The following TANC2 variants were observed in gnomAD, a reference collection of about 807,000 sequenced individuals.
TANC2 encodes the protein tetratricopeptide repeat, ankyrin repeat and coiled-coil containing 2, also known as protein TANC2.
In TANC2, 26 loss-of-function variants were observed where a neutral mutation model predicts 210.5. That is an observed-to-expected ratio of 0.12 (90% CI 0.09 to 0.17). TANC2 has a LOEUF of 0.17. Among genes scored for constraint, TANC2 ranks in the 10% least tolerant of loss-of-function variants. TANC2 has a pLI of 1.00. For synonymous variants in TANC2, 931 were observed against 967.1 expected, an observed-to-expected ratio of 0.96 and a Z score of 0.69; for missense variants, 2,129 against 2,608.9, an observed-to-expected ratio of 0.82 and a Z score of 4.01.
intron 19 of TANC2, 48 bp from the exon 20 acceptor site, chr17:63,405,074 G>A (rs781485013): frequency 1.8e-5 from 28 of 1,534,126 alleles, no homozygotes; most frequent in South Asian, 1.2e-5. Flanking sequence ...ATGGAGCGCT[G>A]GAGAGGACCA....
At chr17:63,348,700 G>A (rs190263287) in intron 12 of TANC2, among the ~76,000 whole-genome samples, 117 of 152,192 alleles carry the variant, frequency 7.7e-4, no homozygotes, top group African/African-American at 2.6e-3. Flanking sequence ...AAAATACGAA[G>A]CAGCAATCCT....
intron 1 of TANC2, among the ~76,000 whole-genome samples, chr17:63,008,343 G>T (rs1473157488): frequency 3.3e-5 from 5 of 152,028 alleles, no homozygotes; most frequent in African/African-American, 1.2e-4. Context: ...GGTTCCATAT[G>T]CATCTAGTAC....
chr17:63,034,261 A>G (rs1188222699), intron 2 of TANC2, among the ~76,000 whole-genome samples: 1 of 152,174 alleles, frequency 6.6e-6, no homozygotes, highest in South Asian at 2.1e-4. Flanking sequence ...CCAGAATTCT[A>G]GGGTCCTAAA....
intron 4 of TANC2, among the ~76,000 whole-genome samples, chr17:63,139,842 T>G (rs1487334068): frequency 6.6e-6 from 1 of 152,180 alleles, no homozygotes; most frequent in African/African-American, 2.4e-5. Context: ...AGGTCAAGGC[T>G]GCAGCGAGCT....
chr17:63,032,952 C>G (rs2034831749), intron 2 of TANC2, among the ~76,000 whole-genome samples: 1 of 152,168 alleles, frequency 6.6e-6, no homozygotes, highest in South Asian at 2.1e-4. Flanking sequence ...GTGCCCATGG[C>G]TCCCTCCTTG....
intron 15 of TANC2, among the ~76,000 whole-genome samples, chr17:63,383,106 CAG>C (rs556174549): frequency 6.6e-6 from 1 of 152,152 alleles, no homozygotes; most frequent in Non-Finnish European, 1.5e-5. Context: ...ACAGAAAGTA[CAG>C]AGTTCCCACA....
intron 7 of TANC2, among the ~76,000 whole-genome samples, chr17:63,202,972 T>C (rs948195494): frequency 3.9e-5 from 6 of 152,170 alleles, no homozygotes; most frequent in African/African-American, 1.4e-4. Context: ...ATGATGTAAA[T>C]ATTCTTCACA....
intron 9 of TANC2, among the ~76,000 whole-genome samples, chr17:63,299,534 CTTT>C (rs201041332): frequency 2.1e-4 from 27 of 126,534 alleles, no homozygotes; most frequent in African/African-American, 5.6e-4. Flanking sequence ...TGATGTTAAG[CTTT>C]TTTTTTTTTT....
intron 7 of TANC2, among the ~76,000 whole-genome samples, chr17:63,203,164 A>G (rs2041590644): frequency 6.6e-6 from 1 of 152,168 alleles, no homozygotes; most frequent in Non-Finnish European, 1.5e-5. Flanking sequence ...TCAGCAGTAT[A>G]TAAAGCTTCT....
At chr17:62,971,585 C>T (rs2031696327) in intron 1 of TANC2, among the ~76,000 whole-genome samples, 1 of 152,224 alleles carries the variant, frequency 6.6e-6, no homozygotes, top group Non-Finnish European at 1.5e-5. Flanking sequence ...CTGCCTTGGC[C>T]TCCCAAAGTG....
chr17:63,122,864 G>A (rs188413492), intron 4 of TANC2, among the ~76,000 whole-genome samples: 1 of 152,312 alleles, frequency 6.6e-6, no homozygotes, highest in East Asian at 1.9e-4. Context: ...TGTTTATTAT[G>A]TAGACTAGAA....
chr17:63,009,594 G>T, exon 2 of TANC2: 1 of 1,613,056 alleles, frequency 6.2e-7, no homozygotes, highest in South Asian at 1.1e-5. Flanking sequence ...CTGCTTACTG[G>T]TGGGAAATCA....
chr17:63,024,377 A>G (rs1402641292), intron 2 of TANC2, among the ~76,000 whole-genome samples: 1 of 152,212 alleles, frequency 6.6e-6, no homozygotes, highest in Non-Finnish European at 1.5e-5. Flanking sequence ...ACATCCTGTC[A>G]TTGCCATGAC....
At chr17:63,350,528 G>T (rs904573054) in intron 12 of TANC2, among the ~76,000 whole-genome samples, 2 of 152,138 alleles carry the variant, frequency 1.3e-5, no homozygotes, top group Non-Finnish European at 1.5e-5. Flanking sequence ...TGTCAATGCC[G>T]GATCATGTGG....
intron 13 of TANC2, among the ~76,000 whole-genome samples, chr17:63,353,078 C>A (rs1299140261): frequency 6.6e-6 from 1 of 152,004 alleles, no homozygotes; most frequent in South Asian, 2.1e-4. Context: ...TCTGATCTGT[C>A]TTTTTTAAAG....
chr17:63,384,431 A>G (rs531460539), intron 15 of TANC2, among the ~76,000 whole-genome samples: 9 of 152,262 alleles, frequency 5.9e-5, no homozygotes, highest in African/African-American at 2.2e-4. Flanking sequence ...ATTAATATAT[A>G]TAATCCTCAG....
At chr17:63,340,047 G>C (rs1452346386) in intron 11 of TANC2, 54 bp from the exon 12 acceptor site, 1 of 1,278,682 alleles carries the variant, frequency 7.8e-7, no homozygotes, top group Non-Finnish European at 1.1e-6. Flanking sequence ...GATAATCATA[G>C]CTATTGCTCT....
chr17:63,227,262 C>T (rs933583405), intron 7 of TANC2, among the ~76,000 whole-genome samples: 1 of 152,076 alleles, frequency 6.6e-6, no homozygotes, highest in African/African-American at 2.4e-5. Flanking sequence ...TTGCCAGTGT[C>T]TGTTGTTTCT....
chr17:63,148,201 A>G (rs1567763481), intron 4 of TANC2: 1 of 152,124 alleles, frequency 6.6e-6, no homozygotes, highest in Non-Finnish European at 1.5e-5. Flanking sequence ...ATTCCTCACT[A>G]ATGTGCTGCC....
Sources: allele counts gnomAD v4.1 joint callset (sites outside exome capture counted in the v4.1 genomes callset), GRCh38; gene constraint gnomAD v4.1.1; transcripts MANE v1.5; gene names NCBI Gene and HGNC (gene_info 2026-07-23, HGNC 2026-07-21).